Variants in NMBR observed in about 807,000 individuals in gnomAD.
NMBR encodes neuromedin B receptor.
A neutral mutation model predicts 20.5 loss-of-function variants in NMBR; 16 were observed. That is an observed-to-expected ratio of 0.78 (90% CI 0.53 to 1.19). NMBR has a LOEUF of 1.19. NMBR is among the 50% of genes most tolerant of loss of function. The pLI, the probability that NMBR is intolerant of heterozygous loss-of-function variation, is 0.00. For synonymous variants in NMBR, 212 were observed against 196.6 expected (o/e 1.08, Z -0.65); for missense variants, 582 against 499.1 (o/e 1.17, Z -1.58).
intron 1 of NMBR, among the ~76,000 whole-genome samples, chr6:142,128,009 C>T (rs970863056): frequency 9.9e-5 from 15 of 152,082 alleles, no homozygotes; most frequent in African/African-American, 2.7e-4. Flanking sequence ...GTCCAAATCT[C>T]GTTGAATTGT....
intron 2 of NMBR, among the ~76,000 whole-genome samples, chr6:142,080,887 T>G (rs1419712262): frequency 6.6e-6 from 1 of 152,170 alleles, no homozygotes; most frequent in Non-Finnish European, 1.5e-5. Context: ...CTCCACGTAT[T>G]TAAAAAGGAG....
intron 1 of NMBR, among the ~76,000 whole-genome samples, chr6:142,110,395 A>G (rs866624099): frequency 2.0e-5 from 3 of 152,238 alleles, no homozygotes; most frequent in Non-Finnish European, 2.9e-5. Context: ...TGGCATTAAA[A>G]AAGAATCAAT....
chr6:142,088,017 T>TAA (rs1562234560), intron 2 of NMBR, among the ~76,000 whole-genome samples: 9 of 152,166 alleles, frequency 5.9e-5, no homozygotes, highest in African/African-American at 2.2e-4. Context: ...TTGTTTTTTT[T>TAA]AAAACATAGT....
At chr6:142,115,005 T>C in intron 1 of NMBR, among the ~76,000 whole-genome samples, 1 of 152,134 alleles carries the variant, frequency 6.6e-6, no homozygotes. Flanking sequence ...TCATACATAT[T>C]GGCAAGAAGC....
At chr6:142,092,304 T>C (rs1478814474) in intron 1 of NMBR, among the ~76,000 whole-genome samples, 4 of 152,092 alleles carry the variant, frequency 2.6e-5, no homozygotes, top group African/African-American at 7.2e-5. Context: ...CAAATGTGTA[T>C]TGCAACAAAT....
At chr6:142,101,424 A>G (rs920991007) in intron 1 of NMBR, among the ~76,000 whole-genome samples, 2 of 152,174 alleles carry the variant, frequency 1.3e-5, no homozygotes, top group Non-Finnish European at 2.9e-5. Flanking sequence ...CACCATGATA[A>G]ATGTACTTAT....
At chr6:142,134,978 T>C in intron 1 of NMBR, 2 of 498,392 alleles carry the variant, frequency 4.0e-6, no homozygotes, top group Middle Eastern at 5.1e-4. Flanking sequence ...TTTAGTTTTA[T>C]CTTACTCAGT....
intron 1 of NMBR, among the ~76,000 whole-genome samples, chr6:142,112,743 T>C (rs916769023): frequency 6.6e-6 from 1 of 152,134 alleles, no homozygotes; most frequent in Non-Finnish European, 1.5e-5. Flanking sequence ...AGGATGACAA[T>C]AGAATGATTA....
intron 1 of NMBR, among the ~76,000 whole-genome samples, chr6:142,128,696 T>A (rs12661511): frequency 0.11 from 16,580 of 152,000 alleles, 1,044 homozygotes; most frequent in African/African-American, 0.17. Flanking sequence ...TATTAAGCAA[T>A]CCTTGCATCT....
intron 1 of NMBR, among the ~76,000 whole-genome samples, chr6:142,138,008 T>A (rs547969761): frequency 4.7e-4 from 72 of 152,162 alleles, no homozygotes; most frequent in African/African-American, 1.7e-3. Context: ...TGCCCACAGA[T>A]GTCCTGCAAC....
chr6:142,097,631 C>T (rs143586834), intron 1 of NMBR, among the ~76,000 whole-genome samples: 47 of 152,026 alleles, frequency 3.1e-4, no homozygotes, highest in Non-Finnish European at 4.1e-4. Flanking sequence ...CTATGTAGAA[C>T]GCAACAAGGT....
At chr6:142,139,310 C>T (rs1778323623) in intron 1 of NMBR, among the ~76,000 whole-genome samples, 1 of 152,192 alleles carries the variant, frequency 6.6e-6, no homozygotes, top group Admixed American at 6.5e-5. Flanking sequence ...TAGGGTAGGG[C>T]ATTGTCAACG....
chr6:142,075,795 C>T lies in NMBR; in HGVS notation c.1026G>A (p.Gly342=), dbSNP rs549346063. ...RRHFNSQLCC[G]RKSYQERGTS... ...TTCCTCTCTCTTGATAGGACTTCCT[C>T]CCACAGCAGAGTTGGCTGTTGAAAT... Residue 342 remains glycine (G), a synonymous_variant, in exon 4 of 4, where the codon GGG becomes GGA. Transcript: ENST00000258042. 1.2e-6 allele frequency: 2 copies of T among 1,614,078 alleles called. No individual in the cohort carries two copies. Among genetic ancestry groups the T allele is most frequent in the South Asian group, 1.1e-5 (1 of 91,080 alleles).
At position 142,078,762 on chromosome 6, in the gene NMBR, A is replaced by G; in HGVS notation, c.564T>C (p.Ser188=). The change falls in exon 3 of 4, where the codon AGT becomes AGC. Residue 188 remains serine (S), a synonymous_variant. Coordinates refer to ENST00000258042, the MANE Select transcript of NMBR (RefSeq NM_002511.4). ...CTGTGAAGCTGCTATTATCCAAGCT[A>G]CTGATGCGAGCCACTTCTGAAAACA... ...EAVFSEVARI[S]SLDNSSFTAC... is the part of the protein sequence containing the mutation. 6.2e-7 allele frequency: 1 copy of G among 1,613,990 alleles called. No individual in the cohort carries two copies. Among genetic ancestry groups the G allele is most frequent in the Non-Finnish European group, 8.5e-7 (1 of 1,179,994 alleles).
At chr6:142,141,286 T>C (rs1778357238) in intron 1 of NMBR, among the ~76,000 whole-genome samples, 1 of 152,110 alleles carries the variant, frequency 6.6e-6, no homozygotes, top group Non-Finnish European at 1.5e-5. Flanking sequence ...ATCTAAATGT[T>C]TGAAAAATTA....
At chr6:142,085,812 C>T (rs1019128689) in intron 2 of NMBR, among the ~76,000 whole-genome samples, 9 of 152,134 alleles carry the variant, frequency 5.9e-5, no homozygotes, top group Middle Eastern at 3.4e-3. Context: ...GGCAAAGACA[C>T]TTAGGCCATC....
chr6:142,132,828 T>G (rs1161083394), intron 1 of NMBR, among the ~76,000 whole-genome samples: 3 of 152,112 alleles, frequency 2.0e-5, no homozygotes, highest in Non-Finnish European at 4.4e-5. Flanking sequence ...GCTCAGAACC[T>G]TTGTGGGGGT....
chr6:142,118,545 G>A (rs546788229), intron 1 of NMBR, among the ~76,000 whole-genome samples: 13 of 152,124 alleles, frequency 8.5e-5, no homozygotes, highest in African/African-American at 2.9e-4. Flanking sequence ...CACTGTGCTA[G>A]TTGCCTCTGC....
intron 1 of NMBR, among the ~76,000 whole-genome samples, chr6:142,101,631 T>C (rs1006504115): frequency 1.6e-4 from 24 of 152,304 alleles, no homozygotes; most frequent in Admixed American, 1.2e-3. Flanking sequence ...TTTGATTATG[T>C]CAGATTTAGC....
Sources: gnomAD v4.1 joint callset for allele counts (sites outside exome capture counted in the v4.1 genomes callset) on GRCh38, gnomAD v4.1.1 for gene constraint, MANE v1.5 for transcripts, NCBI Gene and HGNC (gene_info 2026-07-23, HGNC 2026-07-21) for gene names.